MTUS2: variants seen among roughly 807,000 people sequenced by gnomAD.
MTUS2 encodes the protein microtubule associated scaffold protein 2, also known as microtubule-associated tumor suppressor candidate 2.
MTUS2 carries 40 observed loss-of-function variants against 114.1 expected under a neutral mutation model. The observed-to-expected ratio is 0.35, with a 90% CI of 0.27 to 0.46. The LOEUF (loss-of-function observed/expected upper bound fraction) is 0.46, where lower values mean the gene tolerates loss of function less well. Among genes scored for constraint, MTUS2 ranks in the 20% least tolerant of loss-of-function variants. The probability of loss-of-function intolerance (pLI) is 1.00; values close to 1 mark genes in which losing one functional copy is unlikely to be tolerated. For synonymous variants in MTUS2, 688 were observed against 672.0 expected (o/e 1.02, Z -0.37); for missense variants, 1,679 against 1,705.4 (o/e 0.98, Z 0.27).
chr13:29,113,435 G>T (rs1890960132), intron 5 of MTUS2, among the ~76,000 whole-genome samples: 1 of 152,160 alleles, frequency 6.6e-6, no homozygotes. Context: ...GTTTGTAATA[G>T]GGCCCTCCTG....
intron 4 of MTUS2, among the ~76,000 whole-genome samples, chr13:29,079,480 C>T (rs1351121410): frequency 1.3e-5 from 2 of 152,184 alleles, no homozygotes; most frequent in African/African-American, 2.4e-5. Context: ...AGCTAAGAAA[C>T]CATTGGCTAA....
intron 9 of MTUS2, among the ~76,000 whole-genome samples, chr13:29,467,384 A>G (rs1422983705): frequency 6.6e-6 from 1 of 152,240 alleles, no homozygotes; most frequent in Non-Finnish European, 1.5e-5. Context: ...GAAAAAAAGA[A>G]TTAAAACTAG....
intron 5 of MTUS2, among the ~76,000 whole-genome samples, chr13:29,158,534 G>A (rs1008835526): frequency 7.9e-5 from 12 of 151,680 alleles, no homozygotes; most frequent in Non-Finnish European, 1.6e-4. Flanking sequence ...CAATTCAAGA[G>A]AGCTGTTTTT....
rs138199134 is a variant in MTUS2, at chr13:29,286,857, A to G, written c.2806+4992A>G. Among the ~76,000 whole-genome samples, 969 of 152,174 alleles carry G rather than the reference A, an allele frequency of 6.4e-3. 16 individuals are homozygous for G. Among genetic ancestry groups the G allele is most frequent in the African/African-American group, 0.022 (913 of 41,516 alleles). Reference sequence around the variant, plus strand: ...AGGCGTGTACCACCACACCGGGCTAATTTTTGTATTTTTAGTAAGGACAGG... The same window carrying G: ...AGGCGTGTACCACCACACCGGGCTAGTTTTTGTATTTTTAGTAAGGACAGG... On this transcript the variant is annotated intron_variant, in intron 6 of 15. Coordinates refer to ENST00000612955, the MANE Select transcript of MTUS2 (RefSeq NM_001033602.4).
At chr13:28,999,063 T>G (rs1443315329) in intron 2 of MTUS2, among the ~76,000 whole-genome samples, 42 of 152,122 alleles carry the variant, frequency 2.8e-4, no homozygotes, top group Admixed American at 2.7e-3. Flanking sequence ...TACAGATAGG[T>G]TTTTGGTGTG....
At chr13:29,222,746 C>T (rs1484642363) in intron 5 of MTUS2, among the ~76,000 whole-genome samples, 2 of 152,236 alleles carry the variant, frequency 1.3e-5, no homozygotes, top group Non-Finnish European at 2.9e-5. Flanking sequence ...TCTGCACTCT[C>T]AGGCCCAGGA....
chr13:29,075,003 G>A (rs1041938198), intron 4 of MTUS2, among the ~76,000 whole-genome samples: 8 of 152,160 alleles, frequency 5.3e-5, no homozygotes, highest in East Asian at 1.9e-4. Flanking sequence ...ATATACTGTC[G>A]CTCCAGATTT....
intron 2 of MTUS2, among the ~76,000 whole-genome samples, chr13:28,980,668 C>T (rs1884319650): frequency 1.3e-5 from 2 of 152,108 alleles, no homozygotes; most frequent in Non-Finnish European, 2.9e-5. Context: ...ATTTTATATG[C>T]ATGTATAGGA....
At chr13:29,179,860 T>C (rs1893925794) in intron 5 of MTUS2, among the ~76,000 whole-genome samples, 1 of 152,196 alleles carries the variant, frequency 6.6e-6, no homozygotes, top group Non-Finnish European at 1.5e-5. Flanking sequence ...AGGAATTTTT[T>C]CCTTAGAGGA....
Position 28,925,607 on chromosome 13 carries a change from G to T in MTUS2, c.-243+85757G>T, listed in dbSNP as rs777173878. On this transcript the variant is annotated intron_variant, in intron 2 of 15. Transcript: ENST00000612955. ...ATTGGTGAGAGAAACTCTACCTCAT[G>T]GTTAAGGACCCAGGGCTGAGTTCAC... 3.9e-4 allele frequency among the ~76,000 whole-genome samples: 60 copies of T among 152,278 alleles called. 1 individual carries two copies. The highest frequency in any genetic ancestry group is 1.7e-3 in the Admixed American group (26 of 15,302).
At chr13:29,392,694 T>C (rs1873603795) in intron 8 of MTUS2, among the ~76,000 whole-genome samples, 1 of 151,752 alleles carries the variant, frequency 6.6e-6, no homozygotes, top group African/African-American at 2.4e-5. Flanking sequence ...GTCCCTAGAG[T>C]AGTCAGATTT....
chr13:29,037,728 C>T (rs562436068), intron 4 of MTUS2, among the ~76,000 whole-genome samples: 1 of 152,276 alleles, frequency 6.6e-6, no homozygotes, highest in South Asian at 2.1e-4. Context: ...TCTTTTTTCT[C>T]TAATGTTGTC....
chr13:29,222,725 A>G (rs1354990720), intron 5 of MTUS2, among the ~76,000 whole-genome samples: 1 of 152,164 alleles, frequency 6.6e-6, no homozygotes, highest in Non-Finnish European at 1.5e-5. Flanking sequence ...ATGGCTGTGG[A>G]CCCAGGCATC....
chr13:29,084,787 C>G (rs547749784), intron 4 of MTUS2, among the ~76,000 whole-genome samples: 8 of 112,262 alleles, frequency 7.1e-5, no homozygotes, highest in Non-Finnish European at 1.2e-4. Context: ...ATCCACCCCC[C>G]CCCCTCACCG....
At chr13:28,904,657 C>A (rs1011673530) in intron 2 of MTUS2, among the ~76,000 whole-genome samples, 2 of 152,012 alleles carry the variant, frequency 1.3e-5, no homozygotes, top group South Asian at 2.1e-4. Flanking sequence ...GTTACTGTAG[C>A]CTTGTAGTAT....
intron 5 of MTUS2, among the ~76,000 whole-genome samples, chr13:29,267,457 C>G (rs1208132602): frequency 6.6e-6 from 1 of 152,200 alleles, no homozygotes; most frequent in Non-Finnish European, 1.5e-5. Flanking sequence ...GTTACCCCTG[C>G]TGCAATGTAA....
chr13:29,472,415 C>G (rs1337874738), intron 9 of MTUS2, among the ~76,000 whole-genome samples: 1 of 152,208 alleles, frequency 6.6e-6, no homozygotes, highest in Non-Finnish European at 1.5e-5. Flanking sequence ...GAGTAGGGCT[C>G]TACAGGGTAG....
At chr13:29,171,130 G>A (rs1018792065) in intron 5 of MTUS2, among the ~76,000 whole-genome samples, 1 of 112,356 alleles carries the variant, frequency 8.9e-6, no homozygotes, top group Admixed American at 9.3e-5. Flanking sequence ...GTGAGTGAGT[G>A]AGAGAGAGAG....
intron 5 of MTUS2, among the ~76,000 whole-genome samples, chr13:29,227,639 A>G (rs576849653): frequency 6.6e-6 from 1 of 152,224 alleles, no homozygotes; most frequent in Non-Finnish European, 1.5e-5. Flanking sequence ...ACAAGGGAAG[A>G]TGAAATTATA....
Sources: gnomAD v4.1 joint callset for allele counts (sites outside exome capture counted in the v4.1 genomes callset) on GRCh38, gnomAD v4.1.1 for gene constraint, MANE v1.5 for transcripts, NCBI Gene and HGNC (gene_info 2026-07-23, HGNC 2026-07-21) for gene names.